Variants in DIP2A observed in about 807,000 individuals in gnomAD.
DIP2A encodes the protein DIP2 acetate--CoA ligase A.
DIP2A carries 85 observed loss-of-function variants against 177.4 expected under a neutral mutation model. The ratio of observed to expected loss-of-function variants is 0.48; its 90% CI spans 0.40 to 0.57. The LOEUF (loss-of-function observed/expected upper bound fraction) is 0.57. Among genes scored for constraint, DIP2A ranks in the 20% least tolerant of loss-of-function variants. The pLI is 0.00. For synonymous variants in DIP2A, 886 were observed against 881.8 expected (o/e 1.00, Z -0.08); for missense variants, 1,791 against 2,100.2 (o/e 0.85, Z 2.88).
At position 46,554,837 on chromosome 21, in the gene DIP2A, T is replaced by G. The variant is rs2060405591; in HGVS notation, c.3292T>G (p.Cys1098Gly). 10 of 1,410,604 alleles carry G rather than the reference T, an allele frequency of 7.1e-6. No individual in the cohort carries two copies. In the East Asian group the frequency reaches 3.0e-4, roughly 43 times the overall value. The allele number at this position is 1,410,604 out of a possible 1,614,324, so 87.4% of individuals were successfully genotyped here. ...CGCCATGCAGGTCAGCAAGTCTGCA[T>G]GCGTCCTCACCACGCAGGCTGTCAC... ...KMIVEVSKSA[C>G]VLTTQAVTRL... The change falls in exon 28 of 38, where the codon TGC becomes GGC. Residue 1098 changes from cysteine to glycine, a missense_variant. Transcript: ENST00000417564.
intron 1 of DIP2A, among the ~76,000 whole-genome samples, chr21:46,481,912 G>A (rs1369602531): frequency 6.6e-6 from 1 of 152,060 alleles, no homozygotes; most frequent in East Asian, 1.9e-4. Flanking sequence ...TTAGCCAGGC[G>A]TGGTGGCGCA....
At chr21:46,536,097 A>G (rs1380430081) in intron 13 of DIP2A, among the ~76,000 whole-genome samples, 1 of 152,240 alleles carries the variant, frequency 6.6e-6, no homozygotes, top group Non-Finnish European at 1.5e-5. Context: ...GTCTCTAAAT[A>G]ATAATGATAA....
Position 46,549,880 on chromosome 21 carries a change from C to T in DIP2A, c.2632C>T (p.Leu878=), listed in dbSNP as rs17302700. 0.072 allele frequency: 116,166 copies of T among 1,610,968 alleles called. 4,566 individuals carry two copies. The highest frequency in any genetic ancestry group is 0.081 in the Non-Finnish European group (95,408 of 1,179,898). Reference sequence around the variant, plus strand: ...CAGCTTCCAGTGGATGAGCCGTGTGCTGCAGGTGGGCGCCCCGGCACGGCC... The same window carrying T: ...CAGCTTCCAGTGGATGAGCCGTGTGTTGCAGGTGGGCGCCCCGGCACGGCC... The part of the protein sequence containing the change: ...EDSFQWMSRV[L]QAIDSIHQVG... Residue 878 remains leucine (L), a synonymous_variant, in exon 22 of 38, where the codon CTG becomes TTG. Coordinates refer to ENST00000417564, the MANE Select transcript of DIP2A (RefSeq NM_015151.4).
intron 1 of DIP2A, among the ~76,000 whole-genome samples, chr21:46,464,024 C>A (rs977736870): frequency 4.0e-5 from 6 of 151,310 alleles, no homozygotes; most frequent in African/African-American, 1.5e-4. Context: ...TCTTAATTTT[C>A]AAAATGACAG....
intron 8 of DIP2A, among the ~76,000 whole-genome samples, chr21:46,515,952 T>A (rs929580407): frequency 2.0e-5 from 3 of 152,244 alleles, no homozygotes; most frequent in Non-Finnish European, 4.4e-5. Flanking sequence ...CCTTCTGGCC[T>A]GTAGAACTTC....
At chr21:46,477,615 C>T (rs2056009265) in intron 1 of DIP2A, among the ~76,000 whole-genome samples, 1 of 128,090 alleles carries the variant, frequency 7.8e-6, no homozygotes, top group African/African-American at 3.0e-5. Flanking sequence ...GTCCTGTCGC[C>T]CAGGCTGGAG....
At chr21:46,560,988 T>C (rs1387584789) in intron 33 of DIP2A, 1 of 985,320 alleles carries the variant, frequency 1.0e-6, no homozygotes, top group Non-Finnish European at 1.2e-6. Flanking sequence ...GAGAGCTGTG[T>C]GCCCCACTCC....
At chr21:46,571,003 T>A (rs117450955), downstream of DIP2A, among the ~76,000 whole-genome samples, 8,204 of 152,048 alleles carry the variant, frequency 0.054, 300 homozygotes, top group Non-Finnish European at 0.079. Flanking sequence ...CAGTAACAGG[T>A]CCCCAAGCCC....
At chr21:46,534,372 C>T (rs1196114173) in intron 12 of DIP2A, among the ~76,000 whole-genome samples, 1 of 151,650 alleles carries the variant, frequency 6.6e-6, no homozygotes, top group Non-Finnish European at 1.5e-5. Flanking sequence ...GCACCATTAC[C>T]CTCGGGCACC....
intron 35 of DIP2A, among the ~76,000 whole-genome samples, chr21:46,565,048 A>G (rs760232825): frequency 4.6e-5 from 7 of 152,236 alleles, no homozygotes; most frequent in Non-Finnish European, 1.0e-4. Context: ...TCTTAGAGCC[A>G]GTCGAACTGA....
chr21:46,581,245 T>C, the DIP2A span, among the ~76,000 whole-genome samples: 2 of 152,216 alleles, frequency 1.3e-5, no homozygotes, highest in Admixed American at 6.5e-5. Context: ...TGGCTATTGA[T>C]ATTTGTGGTT....
intron 1 of DIP2A, among the ~76,000 whole-genome samples, chr21:46,471,070 C>G (rs1473664641): frequency 3.9e-5 from 6 of 152,166 alleles, no homozygotes; most frequent in Admixed American, 3.9e-4. Flanking sequence ...TAATCTCGCT[C>G]TGTTGCCCAG....
chr21:46,534,811 T>C (rs981922606), intron 13 of DIP2A, 124 bp downstream of exon 13: 1 of 783,190 alleles, frequency 1.3e-6, no homozygotes, highest in Non-Finnish European at 2.0e-6. Flanking sequence ...TGCCCATTAA[T>C]CCGGGTCATG....
At chr21:46,548,649 G>A (rs1331952519) in intron 21 of DIP2A, among the ~76,000 whole-genome samples, 5 of 152,192 alleles carry the variant, frequency 3.3e-5, no homozygotes, top group Non-Finnish European at 7.4e-5. Context: ...AACTACTCTG[G>A]AAGTAAAATA....
At chr21:46,541,491 C>T (rs1200904576) in intron 17 of DIP2A, among the ~76,000 whole-genome samples, 1 of 152,160 alleles carries the variant, frequency 6.6e-6, no homozygotes, top group African/African-American at 2.4e-5. Flanking sequence ...GCTGAATTGA[C>T]GTTACTGGCC....
At position 46,459,233 on chromosome 21, in the gene DIP2A, CCCCGCCCTCAACCCCCGCGA is replaced by C. The variant is rs2054051398; in HGVS notation, c.91+22_91+41del. On this transcript the variant is annotated intron_variant, in intron 1 of 37. Coordinates refer to ENST00000417564, the MANE Select transcript of DIP2A (RefSeq NM_015151.4). ...TGGAGCTGTCGGAAGGTGAGCCGGACCCCGCCCTCAACCCCCGCGACCCGCCCTCAGCCCGGTCCCCCGCG... is the reference window on the plus strand; with the variant it reads ...TGGAGCTGTCGGAAGGTGAGCCGGACCCCGCCCTCAGCCCGGTCCCCCGCG... 2.6e-6 allele frequency: 4 copies of C among 1,520,038 alleles called. No homozygotes were observed. Among genetic ancestry groups the C allele is most frequent in the Admixed American group, 2.1e-5 (1 of 48,696 alleles). 94.2% of individuals were successfully genotyped at this position (1,520,038 alleles called of 1,614,324 possible).
At chr21:46,541,565 G>A (rs1181817044) in intron 17 of DIP2A, among the ~76,000 whole-genome samples, 191 bp from the exon 18 acceptor site, 1 of 152,232 alleles carries the variant, frequency 6.6e-6, no homozygotes, top group African/African-American at 2.4e-5. Flanking sequence ...ACTGAGTGGA[G>A]TGTCGACGTC....
At chr21:46,572,337 T>C (rs1054302065), downstream of DIP2A, among the ~76,000 whole-genome samples, 4 of 152,212 alleles carry the variant, frequency 2.6e-5, no homozygotes, top group African/African-American at 9.7e-5. Flanking sequence ...ACAATGTTTA[T>C]AAAGTCTATA....
At chr21:46,479,523 G>A (rs1234351335) in intron 1 of DIP2A, among the ~76,000 whole-genome samples, 1 of 152,138 alleles carries the variant, frequency 6.6e-6, no homozygotes, top group Non-Finnish European at 1.5e-5. Flanking sequence ...TCAGCGTTAA[G>A]CATAATAATT....
Sources: gnomAD v4.1 joint callset for allele counts (sites outside exome capture counted in the v4.1 genomes callset) on GRCh38, gnomAD v4.1.1 for gene constraint, MANE v1.5 for transcripts, NCBI Gene and HGNC (gene_info 2026-07-23, HGNC 2026-07-21) for gene names.